CFAP418: variants seen among roughly 807,000 people sequenced by gnomAD.
CFAP418 encodes the protein cilia- and flagella-associated protein 418.
CFAP418 carries 27 observed loss-of-function variants against 24.7 expected under a neutral mutation model. That is an observed-to-expected ratio of 1.09 (90% CI 0.81 to 1.51). CFAP418 has a LOEUF of 1.51. Ranked by LOEUF, CFAP418 falls within the 40% of genes most tolerant of loss-of-function variation. The pLI is 0.00. For missense variants in CFAP418, 257 were observed against 255.2 expected, an observed-to-expected ratio of 1.01 and a Z score of -0.05; for synonymous variants, 74 against 87.3, an observed-to-expected ratio of 0.85 and a Z score of 0.85.
intron 1 of CFAP418, among the ~76,000 whole-genome samples, chr8:95,265,389 A>G (rs1811961611): frequency 6.6e-6 from 1 of 152,198 alleles, no homozygotes; most frequent in South Asian, 2.1e-4. Context: ...TCTTTCAGGT[A>G]TAATATTCTA....
intron 2 of CFAP418, among the ~76,000 whole-genome samples, chr8:95,263,168 T>C (rs1811922013): frequency 6.6e-6 from 1 of 152,200 alleles, no homozygotes; most frequent in Non-Finnish European, 1.5e-5. Flanking sequence ...AACATTAATA[T>C]ATGTTTAATA....
chr8:95,248,789 G>A (rs1017137153), intron 5 of CFAP418, among the ~76,000 whole-genome samples: 1 of 152,024 alleles, frequency 6.6e-6, no homozygotes, highest in African/African-American at 2.4e-5. Context: ...GTGAAAGGAC[G>A]AAATACAGTA....
At chr8:95,268,926 G>A in intron 1 of CFAP418, 109 bp downstream of exon 1, 1 of 1,209,160 alleles carries the variant, frequency 8.3e-7, no homozygotes, top group Non-Finnish European at 1.2e-6. Context: ...GATGCAAGGA[G>A]GGGCTGGAGG....
intron 5 of CFAP418, among the ~76,000 whole-genome samples, chr8:95,249,224 G>GT (rs892592694): frequency 6.6e-6 from 1 of 152,162 alleles, no homozygotes; most frequent in East Asian, 1.9e-4. Flanking sequence ...ATTTGAAATG[G>GT]TTTTTAAAAT....
At chr8:95,261,731 CATGATT>C (rs1008099196) in intron 2 of CFAP418, among the ~76,000 whole-genome samples, 10 of 152,136 alleles carry the variant, frequency 6.6e-5, no homozygotes, top group African/African-American at 2.4e-4. Flanking sequence ...TTTACTTCTT[CATGATT>C]ATAAGAGCTA....
At chr8:95,268,241 A>C (rs1812036020) in intron 1 of CFAP418, among the ~76,000 whole-genome samples, 1 of 152,146 alleles carries the variant, frequency 6.6e-6, no homozygotes, top group Non-Finnish European at 1.5e-5. Flanking sequence ...TGAACTCAGG[A>C]GTTCAAGACC....
At position 95,269,198 on chromosome 8, in the gene CFAP418, G is replaced by T; in HGVS notation, c.-9C>A. ...TCCAGGTCCTCCGCCATCTTGAATC[G>T]CCTGGCCTTTTCCCCTCCAATCGCC... On this transcript the variant is annotated 5_prime_UTR_variant, in exon 1 of 6. Coordinates refer to ENST00000286688, the MANE Select transcript of CFAP418 (RefSeq NM_177965.4). The T allele has an allele frequency of 1.9e-6, 3 of 1,613,658 alleles. No individual in the cohort carries two copies. The highest frequency in any genetic ancestry group is 1.1e-5 in the South Asian group (1 of 91,054).
intron 4 of CFAP418, among the ~76,000 whole-genome samples, chr8:95,257,812 C>T (rs776882379): frequency 6.6e-6 from 1 of 152,114 alleles, no homozygotes. Context: ...TTTTACTATG[C>T]TATACTTTGA....
intron 1 of CFAP418, among the ~76,000 whole-genome samples, chr8:95,267,753 G>A (rs1366063083): frequency 6.6e-6 from 1 of 152,184 alleles, no homozygotes; most frequent in East Asian, 1.9e-4. Flanking sequence ...GACGTTCTTA[G>A]ATTGATCCAA....
At chr8:95,251,373 G>A (rs1249939936) in intron 5 of CFAP418, among the ~76,000 whole-genome samples, 1 of 152,214 alleles carries the variant, frequency 6.6e-6, no homozygotes, top group Admixed American at 6.5e-5. Context: ...TAAAGAGGTT[G>A]TACAAAGTCA....
At chr8:95,263,809 G>C (rs1438402136) in intron 1 of CFAP418, 35 bp from the exon 2 acceptor site, 6 of 1,245,560 alleles carry the variant, frequency 4.8e-6, no homozygotes, top group Non-Finnish European at 7.0e-6. Context: ...AAACTTACCT[G>C]AGGTTTATGA....
Position 95,268,951 on chromosome 8 carries a change from CT to C in CFAP418, c.155+83del, listed in dbSNP as rs2132170734. On this transcript the variant is annotated intron_variant, in intron 1 of 5. Coordinates refer to ENST00000286688, the MANE Select transcript of CFAP418 (RefSeq NM_177965.4). The stretch of plus-strand genomic sequence containing the variant: ...GGGGCTGGAGGTCGCGGGCACGTTT[CT>C]TTTGGGTTGGGCGGCGGAGGGGCAG... The C allele has an allele frequency of 3.4e-6, 5 of 1,474,840 alleles. No homozygotes were observed. In the Admixed American group the frequency reaches 6.2e-5, roughly 18 times the overall value. The allele number at this position is 1,474,840 out of a possible 1,614,324, so 91.4% of individuals were successfully genotyped here. A position where few individuals can be genotyped will look rare whatever the true frequency, so the allele number is the denominator to read the frequency against.
chr8:95,257,612 C>T (rs547733663), intron 4 of CFAP418, among the ~76,000 whole-genome samples: 31 of 152,234 alleles, frequency 2.0e-4, no homozygotes, highest in African/African-American at 6.0e-4. Context: ...AGAATTATAA[C>T]GGAGCTAAAT....
rs961827259 is a variant in CFAP418 at position 95,263,186 on chromosome 8, C to T, written c.243+501G>A. The stretch of plus-strand genomic sequence containing the variant: ...ATTAATATATGTTTAATATGGGTGG[C>T]TGTCATGGTATGTTCAGTATATAGG... On this transcript the variant is annotated intron_variant, in intron 2 of 5. Coordinates refer to ENST00000286688, the MANE Select transcript of CFAP418 (RefSeq NM_177965.4). Among the ~76,000 whole-genome samples the T allele has an allele frequency of 2.0e-5, 3 of 152,062 alleles. No individual in the cohort carries two copies. In the East Asian group the frequency reaches 5.8e-4, roughly 29 times the overall value.
intron 4 of CFAP418, among the ~76,000 whole-genome samples, chr8:95,255,268 T>TA: frequency 6.6e-6 from 1 of 152,278 alleles, no homozygotes; most frequent in African/African-American, 2.4e-5. Context: ...GCCCAGTCAG[T>TA]GGCCATTCTT....
At chr8:95,259,251 T>C (rs568328429) in intron 4 of CFAP418, among the ~76,000 whole-genome samples, 1 of 152,282 alleles carries the variant, frequency 6.6e-6, no homozygotes, top group Non-Finnish European at 1.5e-5. Context: ...GCCCACATTA[T>C]GAAAATGCCA....
intron 5 of CFAP418, among the ~76,000 whole-genome samples, chr8:95,250,919 T>C (rs1811695967): frequency 6.6e-6 from 1 of 152,318 alleles, no homozygotes; most frequent in East Asian, 1.9e-4. Flanking sequence ...TACCCAAGAA[T>C]GGCTGCCAAA....
chr8:95,253,282 C>A (rs1170210150), intron 4 of CFAP418, among the ~76,000 whole-genome samples: 1 of 151,830 alleles, frequency 6.6e-6, no homozygotes, highest in South Asian at 2.1e-4. Flanking sequence ...TGCACTCCAG[C>A]CTGGGCGACA....
At chr8:95,264,098 G>A (rs1811936322) in intron 1 of CFAP418, among the ~76,000 whole-genome samples, 1 of 152,134 alleles carries the variant, frequency 6.6e-6, no homozygotes, top group African/African-American at 2.4e-5. Context: ...TACAAAATAT[G>A]TGCAATAAGC....
Sources: gnomAD v4.1 joint callset for allele counts (sites outside exome capture counted in the v4.1 genomes callset) on GRCh38, gnomAD v4.1.1 for gene constraint, MANE v1.5 for transcripts, NCBI Gene and HGNC (gene_info 2026-07-23, HGNC 2026-07-21) for gene names.